SEC22C: variants seen among roughly 807,000 people sequenced by gnomAD.
The protein encoded by SEC22C is vesicle-trafficking protein SEC22c.
In SEC22C, 29 loss-of-function variants were observed where a neutral mutation model predicts 34.7. The observed-to-expected ratio is 0.84, with a 90% CI of 0.62 to 1.14. SEC22C has a LOEUF of 1.14. SEC22C is among the 50% of genes most tolerant of loss of function. The pLI is 0.00. For missense variants in SEC22C, 337 were observed against 369.0 expected (o/e 0.91, Z 0.71); for synonymous variants, 117 against 132.8 (o/e 0.88, Z 0.82).
intron 2 of SEC22C, among the ~76,000 whole-genome samples, chr3:42,567,294 C>T (rs979915275): frequency 2.6e-5 from 4 of 152,204 alleles, no homozygotes; most frequent in African/African-American, 7.2e-5. Context: ...AGAAAATAGA[C>T]GTAAAATCTA....
At chr3:42,556,068 A>C in intron 5 of SEC22C, 73 bp from the exon 6 acceptor site, 1 of 1,175,440 alleles carries the variant, frequency 8.5e-7, no homozygotes, top group Non-Finnish European at 1.2e-6. Flanking sequence ...AAAGCACTTT[A>C]CTCTGCCTTC....
intron 5 of SEC22C, among the ~76,000 whole-genome samples, chr3:42,557,152 C>T (rs983568064): frequency 1.1e-4 from 16 of 152,176 alleles, no homozygotes; most frequent in Admixed American, 1.0e-3. Flanking sequence ...TATAATTCTT[C>T]GACAAAGACA....
rs56981733 is a variant in SEC22C, at chr3:42,566,520, C to CA, written c.182+2344dup. Among the ~76,000 whole-genome samples, 1,175 of 150,916 alleles carry CA rather than the reference C, an allele frequency of 7.8e-3. 22 individuals are homozygous for CA. Among genetic ancestry groups the CA allele is most frequent in the African/African-American group, 0.027 (1,118 of 41,168 alleles). The stretch of plus-strand genomic sequence containing the variant: ...TGAAACGCCGTCTCTACTAAAAATA[C>CA]AAAAAAAAATTAGCCAGGCGTGGTG... On this transcript the variant is annotated intron_variant, in intron 2 of 6. Transcript: ENST00000264454.
intron 2 of SEC22C, among the ~76,000 whole-genome samples, chr3:42,567,588 CTCAATAATA>C (rs1703328764): frequency 6.6e-6 from 1 of 152,178 alleles, no homozygotes; most frequent in Non-Finnish European, 1.5e-5. Context: ...ATAGAAAACA[CTCAATAATA>C]TCAGTTATTG....
upstream of SEC22C, among the ~76,000 whole-genome samples, chr3:42,586,354 C>T (rs1173742176): frequency 6.6e-6 from 1 of 152,154 alleles, no homozygotes; most frequent in African/African-American, 2.4e-5. Flanking sequence ...TCCCAAGTAG[C>T]TGGGACTACA....
In SEC22C at chr3:42,552,023, C is replaced by G; in HGVS notation, c.*1225G>C. On this transcript the variant is annotated 3_prime_UTR_variant, in exon 7 of 7. Coordinates refer to ENST00000264454, the MANE Select transcript of SEC22C (RefSeq NM_032970.4). ...CCAAAGAGCAAACTCCCAAAATGAC[C>G]TCCTGCGTGGTACAAAACAAGCCAG... 1.0e-6 allele frequency: 1 copy of G among 985,422 alleles called. No homozygotes were observed. The highest frequency in any genetic ancestry group is 1.2e-6 in the Non-Finnish European group (1 of 829,936). 61.0% of individuals were successfully genotyped at this position (985,422 alleles called of 1,614,324 possible).
At chr3:42,583,269 G>A (rs1258229545), upstream of SEC22C, among the ~76,000 whole-genome samples, 2 of 152,236 alleles carry the variant, frequency 1.3e-5, no homozygotes, top group African/African-American at 2.4e-5. Flanking sequence ...CTGGGCAAGA[G>A]AGAATGGAGC....
intron 1 of SEC22C, among the ~76,000 whole-genome samples, chr3:42,580,229 G>A (rs1704240346): frequency 6.6e-6 from 1 of 152,180 alleles, no homozygotes; most frequent in African/African-American, 2.4e-5. Flanking sequence ...CTGAGAGAGA[G>A]AGAGGCTGAG....
At chr3:42,569,426 A>G (rs1400362547) in intron 1 of SEC22C, among the ~76,000 whole-genome samples, 1 of 152,192 alleles carries the variant, frequency 6.6e-6, no homozygotes, top group Non-Finnish European at 1.5e-5. Flanking sequence ...CAGGACACAG[A>G]GCAAGACAGC....
Position 42,551,758 on chromosome 3 carries a change from T to C in SEC22C, c.*1490A>G, listed in dbSNP as rs138539315. 1.3e-4 allele frequency: 129 copies of C among 969,332 alleles called. No individual in the cohort carries two copies. In the East Asian group the frequency reaches 0.013, roughly 96 times the overall value. The allele number at this position is 969,332 out of a possible 1,614,324, so 60.0% of individuals were successfully genotyped here. On this transcript the variant is annotated 3_prime_UTR_variant, in exon 7 of 7. Transcript: ENST00000264454. The stretch of plus-strand genomic sequence containing the variant: ...TATAAACTTATTTTTCTTAAAATGA[T>C]AACAAGGTAGCTCAATAACAATACA...
chr3:42,575,137 T>C (rs141409511), intron 1 of SEC22C, among the ~76,000 whole-genome samples: 1 of 152,220 alleles, frequency 6.6e-6, no homozygotes, highest in Admixed American at 6.5e-5. Context: ...CATGAGCCAC[T>C]AGGCCTGGCC....
intron 1 of SEC22C, among the ~76,000 whole-genome samples, chr3:42,594,164 C>T (rs1191596125): frequency 6.6e-6 from 1 of 152,144 alleles, no homozygotes; most frequent in Non-Finnish European, 1.5e-5. Context: ...AGTAGGTGCG[C>T]AAAGATAGAT....
chr3:42,590,895 G>C lies in SEC22C; in HGVS notation c.-28+10065C>G, dbSNP rs766685823. ...GCGGTCGTGGTTCCGGAGGTTCCTC[G>C]GGATGTCGGTGGCCTTCGTACCGGA... On this transcript the variant is annotated intron_variant, in intron 1 of 6. Transcript: ENST00000417572. 9 of 1,613,652 alleles carry C rather than the reference G, an allele frequency of 5.6e-6. No homozygotes were observed. The Admixed American group carries it at 6.7e-5, about 12-fold the overall frequency.
intron 1 of SEC22C, among the ~76,000 whole-genome samples, chr3:42,576,551 A>G (rs1182056481): frequency 6.6e-6 from 1 of 152,248 alleles, no homozygotes. Flanking sequence ...TTTTAAATAA[A>G]ATACTTAGAT....
intron 1 of SEC22C, chr3:42,600,787 C>T (rs1047717541): frequency 1.3e-5 from 5 of 382,960 alleles, no homozygotes; most frequent in Non-Finnish European, 2.3e-5. Context: ...AGGTGAAGAG[C>T]TCGCCCGCAT....
intron 1 of SEC22C, among the ~76,000 whole-genome samples, chr3:42,598,557 G>T (rs1403541468): frequency 6.6e-6 from 1 of 151,952 alleles, no homozygotes; most frequent in Non-Finnish European, 1.5e-5. Context: ...TCGAACTCCT[G>T]ACCTCATGTG....
In SEC22C at chr3:42,550,374, G is replaced by T. The variant is rs1411469566; in HGVS notation, c.*2874C>A. The T allele has an allele frequency of 1.3e-5, 13 of 985,324 alleles. No individual in the cohort carries two copies. The highest frequency in any genetic ancestry group is 1.6e-5 in the Non-Finnish European group (13 of 829,948). The allele number at this position is 985,324 out of a possible 1,614,324, so 61.0% of individuals were successfully genotyped here. A position where few individuals can be genotyped will look rare whatever the true frequency, so the allele number is the denominator to read the frequency against. Reference sequence around the variant, plus strand: ...GGAGTGAGGATAACTCCTGGGATTTGGAACCAGTTTGCTGGTATCAAGGAT... The same window carrying T: ...GGAGTGAGGATAACTCCTGGGATTTTGAACCAGTTTGCTGGTATCAAGGAT... On this transcript the variant is annotated 3_prime_UTR_variant, in exon 7 of 7. Coordinates refer to ENST00000264454, the MANE Select transcript of SEC22C (RefSeq NM_032970.4).
intron 1 of SEC22C, among the ~76,000 whole-genome samples, chr3:42,577,819 A>C (rs1704062025): frequency 6.6e-6 from 1 of 152,062 alleles, no homozygotes; most frequent in Non-Finnish European, 1.5e-5. Flanking sequence ...AAAATGCAAA[A>C]ATTAGCTAGG....
chr3:42,578,173 T>C (rs978163045), intron 1 of SEC22C, among the ~76,000 whole-genome samples: 4 of 152,082 alleles, frequency 2.6e-5, no homozygotes, highest in Admixed American at 2.6e-4. Context: ...GTCCTACAAA[T>C]AGTGAATGGT....
Sources: allele counts gnomAD v4.1 joint callset (sites outside exome capture counted in the v4.1 genomes callset), GRCh38; gene constraint gnomAD v4.1.1; transcripts MANE v1.5; gene names NCBI Gene and HGNC (gene_info 2026-07-23, HGNC 2026-07-21).